Variants in CSMD1 observed in about 807,000 individuals in gnomAD.
CSMD1 encodes CUB and sushi domain-containing protein 1.
In CSMD1, 213 loss-of-function variants were observed where a neutral mutation model predicts 417.5. The ratio of observed to expected loss-of-function variants is 0.51; its 90% CI spans 0.46 to 0.57. The LOEUF is 0.57. Ranked by LOEUF, CSMD1 falls within the 20% of genes least tolerant of loss-of-function variation. The pLI is 0.00. For synonymous variants in CSMD1, 2,862 were observed against 1,736.8 expected (o/e 1.65, Z -16.11); for missense variants, 6,923 against 4,529.7 (o/e 1.53, Z -15.17).
intron 2 of CSMD1, among the ~76,000 whole-genome samples, chr8:4,493,560 C>T (rs1387975602): frequency 6.6e-6 from 1 of 151,954 alleles, no homozygotes; most frequent in Non-Finnish European, 1.5e-5. Context: ...ATTAGCCAGG[C>T]AATGGGGCAT....
In CSMD1 at chr8:4,530,413, G is replaced by C. The variant is rs557298730; in HGVS notation, c.302+106929C>G. On this transcript the variant is annotated intron_variant, in intron 2 of 69. Coordinates refer to ENST00000635120, the MANE Select transcript of CSMD1 (RefSeq NM_033225.6). ...ACATAGGAATACATTTGCCATGGTGGTTTGCTGCATCTACCAACCCATCAT... is the reference window on the plus strand; with the variant it reads ...ACATAGGAATACATTTGCCATGGTGCTTTGCTGCATCTACCAACCCATCAT... 1.0e-4 allele frequency among the ~76,000 whole-genome samples: 14 copies of C among 136,326 alleles called. No individual in the cohort carries two copies. In the East Asian group the frequency reaches 2.3e-3, roughly 22 times the overall value. The allele number at this position is 136,326 out of a possible 152,430, so 89.4% of individuals were successfully genotyped here.
chr8:4,304,243 C>G (rs963382604), intron 3 of CSMD1, among the ~76,000 whole-genome samples: 2 of 152,130 alleles, frequency 1.3e-5, no homozygotes, highest in African/African-American at 4.8e-5. Context: ...ATGTGAAGGG[C>G]TTTGCAGGCA....
intron 3 of CSMD1, among the ~76,000 whole-genome samples, chr8:4,049,022 C>G (rs570022621): frequency 9.9e-5 from 15 of 152,266 alleles, no homozygotes; most frequent in African/African-American, 3.4e-4. Context: ...ATCACCTTTT[C>G]AAGACTCACC....
chr8:4,454,527 G>C (rs115610504), intron 2 of CSMD1, among the ~76,000 whole-genome samples: 86 of 152,248 alleles, frequency 5.6e-4, no homozygotes, highest in African/African-American at 2.0e-3. Flanking sequence ...AAAAAGTGTG[G>C]TTTCTGATTT....
rs560564442 is a variant in CSMD1, at chr8:4,073,538, G to A, written c.416-41439C>T. Among the ~76,000 whole-genome samples, 20 of 152,004 alleles carry A rather than the reference G, an allele frequency of 1.3e-4. No homozygotes were observed. In the East Asian group the frequency reaches 3.5e-3, roughly 26 times the overall value. On this transcript the variant is annotated intron_variant, in intron 3 of 69. Transcript: ENST00000635120. ...CCTGGGATGTGTCTTAGTGCCAGAT[G>A]GCATAAAAATAACCATGCTATTAAT...
At position 3,096,845 on chromosome 8, in the gene CSMD1, T is replaced by C. The variant is rs1270420262; in HGVS notation, c.7138+4A>G. 1.3e-6 allele frequency: 2 copies of C among 1,540,096 alleles called. No individual in the cohort carries two copies. The highest frequency in any genetic ancestry group is 2.4e-5 in the East Asian group (1 of 41,152). On this transcript the variant is annotated splice_donor_region_variant and intron_variant, in intron 47 of 69. Transcript: ENST00000635120. ...ACTGCTCTACAAAGATTAAAGAAAC[T>C]TACCATCAAACACTTCCAGTGCATC...
intron 2 of CSMD1, among the ~76,000 whole-genome samples, chr8:4,480,865 T>A (rs971089611): frequency 2.0e-5 from 3 of 152,168 alleles, no homozygotes; most frequent in Non-Finnish European, 2.9e-5. Flanking sequence ...AATCCCTGGG[T>A]CCCTGGTTAA....
intron 1 of CSMD1, among the ~76,000 whole-genome samples, chr8:4,844,654 T>G (rs1356856311): frequency 6.6e-6 from 1 of 152,178 alleles, no homozygotes; most frequent in Non-Finnish European, 1.5e-5. Flanking sequence ...AAAATATAAT[T>G]TTTTAGGATC....
At chr8:4,792,056 T>C (rs937112937) in intron 1 of CSMD1, among the ~76,000 whole-genome samples, 2 of 152,174 alleles carry the variant, frequency 1.3e-5, no homozygotes, top group African/African-American at 4.8e-5. Flanking sequence ...TTACCCAAGA[T>C]TCACTGCCTG....
intron 1 of CSMD1, among the ~76,000 whole-genome samples, chr8:4,825,062 A>G (rs895229910): frequency 3.9e-5 from 6 of 152,070 alleles, no homozygotes; most frequent in African/African-American, 1.4e-4. Flanking sequence ...TCTGCAGTTT[A>G]TTCTCTCCCA....
intron 3 of CSMD1, among the ~76,000 whole-genome samples, chr8:4,160,287 G>T (rs892226947): frequency 6.6e-6 from 1 of 152,074 alleles, no homozygotes; most frequent in African/African-American, 2.4e-5. Flanking sequence ...GGAAAGTACT[G>T]AATTTAGGAA....
At chr8:3,656,298 C>A (rs78747129) in intron 7 of CSMD1, among the ~76,000 whole-genome samples, 1,843 of 152,300 alleles carry the variant, frequency 0.012, 50 homozygotes, top group African/African-American at 0.042. Context: ...GAAATACTCT[C>A]TCAGAAGCTT....
chr8:3,481,702 G>C (rs904955168), intron 11 of CSMD1, among the ~76,000 whole-genome samples: 1 of 152,168 alleles, frequency 6.6e-6, no homozygotes, highest in Non-Finnish European at 1.5e-5. Context: ...AGGCAGAGAA[G>C]ATGGTCTCGT....
At chr8:3,553,416 G>T (rs979442836) in intron 10 of CSMD1, among the ~76,000 whole-genome samples, 3 of 152,110 alleles carry the variant, frequency 2.0e-5, no homozygotes, top group Admixed American at 6.6e-5. Flanking sequence ...GCTGATTCAT[G>T]ATCTCATCCT....
intron 5 of CSMD1, among the ~76,000 whole-genome samples, chr8:3,790,067 G>T (rs968061341): frequency 6.6e-6 from 1 of 152,170 alleles, no homozygotes; most frequent in Admixed American, 6.5e-5. Flanking sequence ...ATTAGAGAAT[G>T]TCAATGAAGG....
At chr8:4,962,345 G>C (rs550940160) in intron 1 of CSMD1, among the ~76,000 whole-genome samples, 1 of 152,002 alleles carries the variant, frequency 6.6e-6, no homozygotes, top group East Asian at 1.9e-4. Flanking sequence ...CAATTAGCTA[G>C]GACTACAGGT....
chr8:3,264,381 T>C (rs1801287245), intron 26 of CSMD1, among the ~76,000 whole-genome samples: 1 of 152,190 alleles, frequency 6.6e-6, no homozygotes, highest in Non-Finnish European at 1.5e-5. Context: ...TATCTTTTCC[T>C]GTTTCTAAGT....
chr8:3,568,012 G>C (rs1585382983), intron 10 of CSMD1, among the ~76,000 whole-genome samples: 1 of 152,116 alleles, frequency 6.6e-6, no homozygotes, highest in East Asian at 1.9e-4. Flanking sequence ...CCTTAGAAAA[G>C]TTGGTACTGA....
chr8:4,184,569 G>T (rs533701303), intron 3 of CSMD1, among the ~76,000 whole-genome samples: 13 of 152,210 alleles, frequency 8.5e-5, no homozygotes, highest in South Asian at 4.1e-4. Context: ...CATGAGCATG[G>T]ATGGAGCTGT....
Sources: allele counts gnomAD v4.1 joint callset (sites outside exome capture counted in the v4.1 genomes callset), GRCh38; gene constraint gnomAD v4.1.1; transcripts MANE v1.5; gene names NCBI Gene and HGNC (gene_info 2026-07-23, HGNC 2026-07-21).